Variants in CFAP20DC observed in about 807,000 individuals in gnomAD.
CFAP20DC encodes CFAP20 domain containing.
CFAP20DC carries 84 observed loss-of-function variants against 101.7 expected under a neutral mutation model. The ratio of observed to expected loss-of-function variants is 0.83; its 90% CI spans 0.69 to 0.99. The LOEUF is 0.99. Ranked by LOEUF, CFAP20DC falls within the 50% of genes least tolerant of loss-of-function variation. CFAP20DC has a pLI of 0.00. For synonymous variants in CFAP20DC, 359 were observed against 351.2 expected (o/e 1.02, Z -0.25); for missense variants, 1,007 against 970.3 (o/e 1.04, Z -0.50).
rs897534367 is a variant in CFAP20DC at position 58,732,112 on chromosome 3, G to A, written c.198-14484C>T. On this transcript the variant is annotated intron_variant, in intron 3 of 3. Coordinates refer to the CFAP20DC transcript ENST00000486145. The surrounding 1 kb of genome is among the most constrained non-coding windows in gnomAD (Gnocchi z 5.4). ...GTTGTGCTGACAATAAAGATGATGAGGACAATCATCAAGAGAGTCATTTCA... is the reference window on the plus strand; with the variant it reads ...GTTGTGCTGACAATAAAGATGATGAAGACAATCATCAAGAGAGTCATTTCA... Among the ~76,000 whole-genome samples, 2 of 152,100 alleles carry A rather than the reference G, an allele frequency of 1.3e-5. No individual in the cohort carries two copies. The highest frequency in any genetic ancestry group is 3.9e-4 in the East Asian group (2 of 5,194).
In CFAP20DC at chr3:58,831,783, G is replaced by T. The variant is rs765346558; in HGVS notation, c.2078C>A (p.Thr693Asn). 1 of 1,614,042 alleles carries T rather than the reference G, an allele frequency of 6.2e-7. No homozygotes were observed. Among genetic ancestry groups the T allele is most frequent in the South Asian group, 1.1e-5 (1 of 91,078 alleles). Residue 693 changes from threonine (T) to asparagine (N), a missense_variant, in exon 14 of 17, where the codon ACC becomes AAC. Coordinates refer to ENST00000482387, the MANE Select transcript of CFAP20DC (RefSeq NM_001394063.1). Reference sequence around the variant, plus strand: ...CTGGGAGGCACTCAGGCCATGGGAGGTCCCAGCATCCTCCAGTTCTTCATT... The same window carrying T: ...CTGGGAGGCACTCAGGCCATGGGAGTTCCCAGCATCCTCCAGTTCTTCATT... ...QQNEELEDAG[T>N]SHGLSASQVD... is the part of the protein sequence containing the mutation.
chr3:58,987,576 TTAAG>T (rs532421678), intron 4 of CFAP20DC, among the ~76,000 whole-genome samples: 101 of 152,022 alleles, frequency 6.6e-4, no homozygotes, highest in African/African-American at 2.1e-3. Flanking sequence ...TCTGAAAAGA[TTAAG>T]TAAGAAAAAT....
chr3:58,950,940 C>T (rs1330519984), intron 4 of CFAP20DC, among the ~76,000 whole-genome samples: 3 of 152,152 alleles, frequency 2.0e-5, no homozygotes, highest in Admixed American at 6.5e-5. Context: ...AGCTTCTGCA[C>T]AGCAAAAGAA....
intron 15 of CFAP20DC, among the ~76,000 whole-genome samples, chr3:58,785,565 C>T (rs35279164): frequency 0.051 from 7,727 of 152,000 alleles, 325 homozygotes; most frequent in Admixed American, 0.13. Context: ...TATTATGTAT[C>T]GGTTTAAAAC....
chr3:58,977,326 A>C (rs2092320491), intron 4 of CFAP20DC, among the ~76,000 whole-genome samples: 1 of 152,258 alleles, frequency 6.6e-6, no homozygotes, highest in African/African-American at 2.4e-5. Flanking sequence ...AAATGGAACC[A>C]AAATAACCAA....
chr3:58,983,301 C>T (rs1036667362), intron 4 of CFAP20DC, among the ~76,000 whole-genome samples: 2 of 152,252 alleles, frequency 1.3e-5, no homozygotes, highest in South Asian at 2.1e-4. Context: ...CTGTTTGCAA[C>T]GCTCCTTTGC....
At chr3:58,947,424 CA>C (rs1197989918) in intron 4 of CFAP20DC, among the ~76,000 whole-genome samples, 1 of 152,154 alleles carries the variant, frequency 6.6e-6, no homozygotes, top group East Asian at 1.9e-4. Context: ...CGAAAAATGC[CA>C]CATAAGCTAC....
chr3:58,870,924 A>AAAAAAAG (rs2080149182), intron 7 of CFAP20DC, among the ~76,000 whole-genome samples: 1 of 143,346 alleles, frequency 7.0e-6, no homozygotes, highest in African/African-American at 2.8e-5. Context: ...AAAAAAAAAA[A>AAAAAAAG]GAAAAAAGGA....
At chr3:58,952,206 A>G (rs1028868374) in intron 4 of CFAP20DC, among the ~76,000 whole-genome samples, 6 of 152,140 alleles carry the variant, frequency 3.9e-5, no homozygotes, top group South Asian at 2.1e-4. Context: ...AGTCCCCCTC[A>G]TCTGTGGTTT....
intron 14 of CFAP20DC, among the ~76,000 whole-genome samples, chr3:58,813,724 C>G (rs1014184817): frequency 2.0e-5 from 3 of 151,866 alleles, no homozygotes; most frequent in African/African-American, 4.9e-5. Flanking sequence ...AACACCCCAT[C>G]TGATAATCAC....
intron 4 of CFAP20DC, among the ~76,000 whole-genome samples, chr3:58,962,338 C>G (rs1275987393): frequency 6.6e-6 from 1 of 152,198 alleles, no homozygotes; most frequent in Non-Finnish European, 1.5e-5. Context: ...TTTTTTATCT[C>G]ATGTTTATTT....
intron 7 of CFAP20DC, among the ~76,000 whole-genome samples, chr3:58,873,569 C>T (rs1012994555): frequency 6.7e-6 from 1 of 149,010 alleles, no homozygotes; most frequent in Non-Finnish European, 1.5e-5. Flanking sequence ...AAGCAGAAGT[C>T]TGGATAGCTA....
In CFAP20DC at chr3:58,765,007, T is replaced by C. The variant is rs544680668; in HGVS notation, c.2238-11144A>G. ...ATAAATACTATCTTGTGAATTTTTA[T>C]AATGAACAGATTGATTTAATACTAA... On this transcript the variant is annotated intron_variant, in intron 15 of 16. Transcript: ENST00000482387. 1.9e-4 allele frequency among the ~76,000 whole-genome samples: 29 copies of C among 152,306 alleles called. 1 individual carries two copies. The South Asian group carries it at 5.8e-3, about 30-fold the overall frequency.
intron 6 of CFAP20DC, among the ~76,000 whole-genome samples, chr3:58,911,711 T>C (rs2084177151): frequency 6.6e-6 from 1 of 152,152 alleles, no homozygotes; most frequent in Non-Finnish European, 1.5e-5. Flanking sequence ...AAAAAAACCA[T>C]GGATATTCCC....
chr3:58,998,320 A>G (rs1397008310), intron 4 of CFAP20DC, among the ~76,000 whole-genome samples: 1 of 152,206 alleles, frequency 6.6e-6, no homozygotes, highest in African/African-American at 2.4e-5. Context: ...TGCAAACTGT[A>G]TATGACTGTG....
chr3:58,932,244 A>G (rs1018651442), intron 5 of CFAP20DC, among the ~76,000 whole-genome samples: 15 of 152,154 alleles, frequency 9.9e-5, no homozygotes, highest in Middle Eastern at 3.2e-3. Context: ...AAAGAAACAA[A>G]CAAAGCCTCC....
intron 14 of CFAP20DC, 55 bp from the exon 15 acceptor site, chr3:58,806,511 G>C (rs1426340252): frequency 1.6e-6 from 2 of 1,265,092 alleles, no homozygotes; most frequent in African/African-American, 2.9e-5. Flanking sequence ...TGTTTACATA[G>C]ACATTCACAT....
intron 15 of CFAP20DC, among the ~76,000 whole-genome samples, chr3:58,797,848 T>C (rs1371620634): frequency 1.3e-5 from 2 of 152,092 alleles, no homozygotes; most frequent in Non-Finnish European, 2.9e-5. Context: ...GTGATGCTAT[T>C]AATAAATCCT....
chr3:58,759,118 C>G (rs533714883), intron 15 of CFAP20DC, among the ~76,000 whole-genome samples: 2 of 152,276 alleles, frequency 1.3e-5, no homozygotes, highest in Admixed American at 1.3e-4. Flanking sequence ...GCCACACTGA[C>G]TTCCACAATG....
Sources: gnomAD v4.1 joint callset for allele counts (sites outside exome capture counted in the v4.1 genomes callset) on GRCh38, gnomAD v4.1.1 for gene constraint, Gnocchi (gnomAD v3.1) non-coding constraint, MANE v1.5 for transcripts, NCBI Gene and HGNC (gene_info 2026-07-23, HGNC 2026-07-21) for gene names.